Variants in RAP1GDS1 observed in about 807,000 individuals in gnomAD.
RAP1GDS1 encodes Rap1 GTPase-GDP dissociation stimulator 1.
RAP1GDS1 carries 35 observed loss-of-function variants against 71.1 expected under a neutral mutation model. The observed-to-expected ratio is 0.49, with a 90% confidence interval of 0.38 to 0.65. The LOEUF (loss-of-function observed/expected upper bound fraction) is 0.65, where lower values mean the gene tolerates loss of function less well. Ranked by LOEUF, RAP1GDS1 falls within the 30% of genes least tolerant of loss-of-function variation. The pLI, the probability that RAP1GDS1 is intolerant of heterozygous loss-of-function variation, is 0.00. For synonymous variants in RAP1GDS1, 229 were observed against 243.1 expected, an observed-to-expected ratio of 0.94 and a Z score of 0.54; for missense variants, 663 against 706.1, an observed-to-expected ratio of 0.94 and a Z score of 0.69.
At chr4:98,368,287 C>T (rs779394047) in intron 4 of RAP1GDS1, among the ~76,000 whole-genome samples, 61 of 152,150 alleles carry the variant, frequency 4.0e-4, no homozygotes, top group Admixed American at 4.6e-4. Flanking sequence ...ACTATAAGAC[C>T]AATTAAACCT....
At chr4:98,357,341 T>C (rs1274138596) in intron 4 of RAP1GDS1, among the ~76,000 whole-genome samples, 2 of 151,956 alleles carry the variant, frequency 1.3e-5, no homozygotes, top group Non-Finnish European at 2.9e-5. Context: ...AATAAGATTC[T>C]TCAGTTTTCA....
rs3831453 is a variant in RAP1GDS1, at chr4:98,442,285, TA to T, written c.*169del. On this transcript the variant is annotated 3_prime_UTR_variant, in exon 15 of 15. Coordinates refer to ENST00000408927, the MANE Select transcript of RAP1GDS1 (RefSeq NM_001100427.2). Reference sequence around the variant, plus strand: ...CTCCCTAATAAGATTTCTAAACCTATAGTTAGTGTGATCATGACTTTGTCAA... The same window carrying T: ...CTCCCTAATAAGATTTCTAAACCTATGTTAGTGTGATCATGACTTTGTCAA... 36 of 910,258 alleles carry T rather than the reference TA, an allele frequency of 4.0e-5. No homozygotes were observed. In the East Asian group the frequency reaches 1.0e-3, roughly 26 times the overall value. 56.4% of individuals were successfully genotyped at this position (910,258 alleles called of 1,614,324 possible).
rs752693206 is a variant in RAP1GDS1, at chr4:98,434,088, T to C, written c.1567+26T>C. 3.1e-6 allele frequency: 5 copies of C among 1,607,956 alleles called. No homozygotes were observed. In the Middle Eastern group the frequency reaches 8.3e-4, roughly 266 times the overall value. On this transcript the variant is annotated intron_variant, in intron 13 of 14. Coordinates refer to ENST00000408927, the MANE Select transcript of RAP1GDS1 (RefSeq NM_001100427.2). ...GTAAGTACCCCAGTGACAAACTTAT[T>C]TTCTTCTATTTTTATCTTGGATGAA... is the stretch of plus-strand genomic sequence containing the variant.
intron 12 of RAP1GDS1, among the ~76,000 whole-genome samples, chr4:98,423,824 G>A (rs957656747): frequency 7.2e-5 from 11 of 152,136 alleles, no homozygotes; most frequent in African/African-American, 1.2e-4. Context: ...GATTACAAGC[G>A]TGAGCCACCA....
intron 12 of RAP1GDS1, among the ~76,000 whole-genome samples, chr4:98,429,538 T>C (rs1029879438): frequency 3.9e-5 from 6 of 152,132 alleles, no homozygotes; most frequent in African/African-American, 7.2e-5. Context: ...ACTACAAATA[T>C]GGTGCAGTGT....
At chr4:98,276,484 C>T (rs1308195536) in intron 1 of RAP1GDS1, among the ~76,000 whole-genome samples, 1 of 141,872 alleles carries the variant, frequency 7.0e-6, no homozygotes, top group Non-Finnish European at 1.5e-5. Flanking sequence ...TTTACATACC[C>T]TTTTTTTTTT....
chr4:98,426,041 G>A (rs1404922657), intron 12 of RAP1GDS1, among the ~76,000 whole-genome samples: 4 of 151,966 alleles, frequency 2.6e-5, no homozygotes, highest in African/African-American at 9.7e-5. Flanking sequence ...AAACCACAGT[G>A]GAATAAAACT....
chr4:98,387,127 T>C (rs1217945115), intron 5 of RAP1GDS1, among the ~76,000 whole-genome samples: 5 of 152,198 alleles, frequency 3.3e-5, no homozygotes, highest in Non-Finnish European at 5.9e-5. Flanking sequence ...ATCATTATAC[T>C]GTGAATAATA....
At chr4:98,333,844 A>T (rs1291163069) in intron 2 of RAP1GDS1, among the ~76,000 whole-genome samples, 1 of 152,124 alleles carries the variant, frequency 6.6e-6, no homozygotes, top group Non-Finnish European at 1.5e-5. Flanking sequence ...CAGAACACAC[A>T]GCTGTTTTTA....
chr4:98,416,611 A>G (rs1443219059), intron 7 of RAP1GDS1, 134 bp from the exon 8 acceptor site: 5 of 717,232 alleles, frequency 7.0e-6, no homozygotes, highest in African/African-American at 1.8e-5. Context: ...CGGCCTCCCA[A>G]AGTGCTGGGA....
intron 6 of RAP1GDS1, among the ~76,000 whole-genome samples, chr4:98,402,331 G>A (rs1745545047): frequency 6.6e-6 from 1 of 152,132 alleles, no homozygotes; most frequent in East Asian, 1.9e-4. Flanking sequence ...CCCAGACTCC[G>A]GAAGTGTTGG....
intron 14 of RAP1GDS1, chr4:98,441,357 A>G (rs1317214153): frequency 1.0e-6 from 1 of 984,934 alleles, no homozygotes; most frequent in African/African-American, 1.7e-5. Flanking sequence ...GAAGAGGACA[A>G]AAAATCTAAA....
At chr4:98,305,108 T>G (rs1729140341) in intron 2 of RAP1GDS1, among the ~76,000 whole-genome samples, 1 of 152,190 alleles carries the variant, frequency 6.6e-6, no homozygotes, top group Admixed American at 6.5e-5. Context: ...GCATGACGCC[T>G]CTAGCTTTGT....
rs568860618 is a variant in RAP1GDS1 at position 98,408,989 on chromosome 4, G to A, written c.763+4387G>A. On this transcript the variant is annotated intron_variant, in intron 7 of 14. Coordinates refer to ENST00000408927, the MANE Select transcript of RAP1GDS1 (RefSeq NM_001100427.2). ...GATTGGGACAAGAAGGATCATCCCC[G>A]CTTCCATTTAACATTGTATTGTAAG... Among the ~76,000 whole-genome samples the A allele has an allele frequency of 3.9e-5, 6 of 152,082 alleles. No individual in the cohort carries two copies. In the East Asian group the frequency reaches 7.7e-4, roughly 20 times the overall value.
At chr4:98,363,370 G>C (rs909536250) in intron 4 of RAP1GDS1, among the ~76,000 whole-genome samples, 4 of 149,892 alleles carry the variant, frequency 2.7e-5, no homozygotes, top group Admixed American at 2.0e-4. Flanking sequence ...TGTAATCCCA[G>C]CTACTCTGGA....
At chr4:98,295,060 G>A (rs1727532321) in intron 2 of RAP1GDS1, among the ~76,000 whole-genome samples, 1 of 151,856 alleles carries the variant, frequency 6.6e-6, no homozygotes, top group Non-Finnish European at 1.5e-5. Context: ...TTGTCTCCTA[G>A]GAAGACTGGA....
chr4:98,263,245 G>A (rs1722279071), intron 1 of RAP1GDS1, among the ~76,000 whole-genome samples: 1 of 152,148 alleles, frequency 6.6e-6, no homozygotes, highest in Non-Finnish European at 1.5e-5. Flanking sequence ...ATATTGGACT[G>A]TAAGTTCAAG....
chr4:98,317,846 C>CT (rs10690106), intron 2 of RAP1GDS1, among the ~76,000 whole-genome samples: 16,077 of 138,930 alleles, frequency 0.12, 1,168 homozygotes, highest in African/African-American at 0.2. Flanking sequence ...CTTTTCTTCT[C>CT]TTTTTTTTTT....
At chr4:98,301,360 A>G (rs933450743) in intron 2 of RAP1GDS1, among the ~76,000 whole-genome samples, 185 of 152,292 alleles carry the variant, frequency 1.2e-3, no homozygotes, top group African/African-American at 4.4e-3. Flanking sequence ...AGTGTCAACT[A>G]AAAAGACATT....
Sources: allele counts gnomAD v4.1 joint callset (sites outside exome capture counted in the v4.1 genomes callset), GRCh38; gene constraint gnomAD v4.1.1; transcripts MANE v1.5; gene names NCBI Gene and HGNC (gene_info 2026-07-23, HGNC 2026-07-21).